Variants in FAM13A observed in about 807,000 individuals in gnomAD.
The protein encoded by FAM13A is family with sequence similarity 13 member A.
In FAM13A, 76 loss-of-function variants were observed where a neutral mutation model predicts 129.6. The ratio of observed to expected loss-of-function variants is 0.59; its 90% CI spans 0.49 to 0.71. FAM13A has a LOEUF of 0.71. Among genes scored for constraint, FAM13A ranks in the 30% least tolerant of loss-of-function variants. FAM13A has a pLI of 0.00. For synonymous variants in FAM13A, 443 were observed against 449.9 expected (o/e 0.98, Z 0.20); for missense variants, 1,108 against 1,249.3 (o/e 0.89, Z 1.70).
chr4:89,011,844 T>C (rs900375599), intron 3 of FAM13A, among the ~76,000 whole-genome samples: 9 of 152,340 alleles, frequency 5.9e-5, no homozygotes, highest in African/African-American at 2.2e-4. Flanking sequence ...TAGTTACCAC[T>C]GACTGGATGT....
intron 19 of FAM13A, among the ~76,000 whole-genome samples, chr4:88,740,258 C>T (rs1739949507): frequency 6.6e-6 from 1 of 152,312 alleles, no homozygotes; most frequent in African/African-American, 2.4e-5. Context: ...TGTGAAATCA[C>T]CACCCTGCCC....
intron 8 of FAM13A, among the ~76,000 whole-genome samples, chr4:88,804,625 T>G (rs1728192877): frequency 6.6e-6 from 1 of 152,160 alleles, no homozygotes; most frequent in Non-Finnish European, 1.5e-5. Flanking sequence ...GAAAATGATG[T>G]AACACAACCC....
intron 14 of FAM13A, chr4:88,753,690 T>C (rs546159074): frequency 1.3e-6 from 1 of 764,216 alleles, no homozygotes; most frequent in East Asian, 1.3e-4. Flanking sequence ...TTCAAAAGAG[T>C]TATAAAATGA....
chr4:88,888,332 C>T (rs1485325382), intron 6 of FAM13A, among the ~76,000 whole-genome samples: 1 of 152,180 alleles, frequency 6.6e-6, no homozygotes, highest in Non-Finnish European at 1.5e-5. Context: ...AGCCCAGAAA[C>T]TGTATTTCCC....
intron 1 of FAM13A, among the ~76,000 whole-genome samples, chr4:89,044,095 C>CAAAAAAAAAAAAAAAAAA (rs148233625): frequency 8.6e-5 from 10 of 116,124 alleles, no homozygotes; most frequent in African/African-American, 2.1e-4. Flanking sequence ...GAGACCATAT[C>CAAAAAAAAAAAAAAAAAA]AAAAAAAAAG....
intron 4 of FAM13A, among the ~76,000 whole-genome samples, chr4:88,963,172 T>G (rs1023879000): frequency 6.6e-6 from 1 of 152,200 alleles, no homozygotes; most frequent in Non-Finnish European, 1.5e-5. Context: ...CTGTGAAGCT[T>G]AACAATGTGA....
chr4:88,900,481 G>C (rs1322797840), intron 6 of FAM13A, among the ~76,000 whole-genome samples: 2 of 151,892 alleles, frequency 1.3e-5, no homozygotes, highest in African/African-American at 2.4e-5. Flanking sequence ...GAAGAGATTA[G>C]GTACCAATAT....
chr4:88,790,461 G>T, intron 9 of FAM13A, 125 bp downstream of exon 9: 2 of 761,266 alleles, frequency 2.6e-6, no homozygotes, highest in Non-Finnish European at 4.4e-6. Context: ...GTCACTGGCT[G>T]CTTATTATCT....
intron 6 of FAM13A, among the ~76,000 whole-genome samples, chr4:88,897,865 C>CT (rs1210229575): frequency 6.6e-6 from 1 of 152,116 alleles, no homozygotes; most frequent in Non-Finnish European, 1.5e-5. Flanking sequence ...TGCCTCATTT[C>CT]TGACATTTGA....
chr4:88,911,279 T>C (rs1749055464), intron 5 of FAM13A, among the ~76,000 whole-genome samples: 1 of 152,236 alleles, frequency 6.6e-6, no homozygotes, highest in Admixed American at 6.5e-5. Context: ...GCTATATGCT[T>C]TCTCTGTGCT....
chr4:89,053,193 T>C (rs1299651464), intron 1 of FAM13A, among the ~76,000 whole-genome samples: 1 of 152,200 alleles, frequency 6.6e-6, no homozygotes, highest in Non-Finnish European at 1.5e-5. Flanking sequence ...AAAATCATGT[T>C]TCCTCCAGTT....
Position 89,029,556 on chromosome 4 carries a change from A to G in FAM13A, c.121T>C (p.Phe41Leu). The change falls in exon 2 of 24, where the codon TTT becomes CTT. Residue 41 changes from phenylalanine to leucine, a missense_variant. Phe to Leu is a conservative substitution (Grantham distance 22). Coordinates refer to ENST00000264344, the MANE Select transcript of FAM13A (RefSeq NM_014883.4). Reference protein sequence around the residue: ...EQKDFTYQKLFGVSLQELERQ... With the variant: ...EQKDFTYQKLLGVSLQELERQ... ...TCAAGTTCTTGGAGACTGACTCCAA[A>G]TAACTTCTGATAGGTAAAATCCTTC... is the stretch of plus-strand genomic sequence containing the variant. The G allele has an allele frequency of 6.3e-7, 1 of 1,594,000 alleles. No homozygotes were observed. Among genetic ancestry groups the G allele is most frequent in the Non-Finnish European group, 8.5e-7 (1 of 1,174,396 alleles).
At chr4:88,936,001 A>G (rs2446309) in intron 5 of FAM13A, among the ~76,000 whole-genome samples, 28,102 of 152,182 alleles carry the variant, frequency 0.18, 2,757 homozygotes, top group Non-Finnish European at 0.21. Flanking sequence ...TCTAATCATG[A>G]CATTTATCTG....
chr4:88,750,753 G>T, intron 14 of FAM13A, 116 bp from the exon 15 acceptor site: 1 of 730,246 alleles, frequency 1.4e-6, no homozygotes, highest in Non-Finnish European at 2.3e-6. Context: ...CCATTGAATC[G>T]TTTCTCATTT....
At chr4:88,845,403 C>T (rs905138696) in intron 7 of FAM13A, among the ~76,000 whole-genome samples, 2 of 151,882 alleles carry the variant, frequency 1.3e-5, no homozygotes, top group Non-Finnish European at 2.9e-5. Context: ...CTTATTTTTT[C>T]CTTCTGTGAC....
chr4:88,928,207 T>C (rs1468185169), intron 5 of FAM13A, among the ~76,000 whole-genome samples: 1 of 152,174 alleles, frequency 6.6e-6, no homozygotes, highest in African/African-American at 2.4e-5. Flanking sequence ...ATACTTGATA[T>C]CATTTTGATT....
At chr4:89,025,184 C>G (rs1270714614) in intron 2 of FAM13A, among the ~76,000 whole-genome samples, 1 of 145,554 alleles carries the variant, frequency 6.9e-6, no homozygotes, top group Non-Finnish European at 1.5e-5. Flanking sequence ...GGAAGGTAGT[C>G]TATGCACACA....
rs188148191 is a variant in FAM13A at position 88,934,387 on chromosome 4, C to T, written c.759+3701G>A. On this transcript the variant is annotated intron_variant, in intron 5 of 23. Coordinates refer to ENST00000264344, the MANE Select transcript of FAM13A (RefSeq NM_014883.4). ...ACAATGCTTTGCTCCTAGTAGGCAC[C>T]GAATAATTATTAACACTTGGATTTA... Among the ~76,000 whole-genome samples, 410 of 152,156 alleles carry T rather than the reference C, an allele frequency of 2.7e-3. 2 individuals are homozygous for T. Among genetic ancestry groups the T allele is most frequent in the Non-Finnish European group, 4.3e-3 (293 of 68,016 alleles).
chr4:88,947,737 A>G (rs1324437193), intron 4 of FAM13A, among the ~76,000 whole-genome samples: 1 of 151,888 alleles, frequency 6.6e-6, no homozygotes. Flanking sequence ...CTTATTCTAT[A>G]ATAGAATGAA....
Sources: gnomAD v4.1 joint callset for allele counts (sites outside exome capture counted in the v4.1 genomes callset) on GRCh38, gnomAD v4.1.1 for gene constraint, MANE v1.5 for transcripts, NCBI Gene and HGNC (gene_info 2026-07-23, HGNC 2026-07-21) for gene names.